Variants in STARD13 observed in about 807,000 individuals in gnomAD.
The protein encoded by STARD13 is StAR related lipid transfer domain containing 13.
Under a neutral mutation model 106.4 loss-of-function variants are expected in STARD13, and 62 were observed. The observed-to-expected ratio is 0.58, with a 90% CI of 0.48 to 0.72. STARD13 has a LOEUF of 0.72. STARD13 is among the 30% of genes least tolerant of loss of function. The probability of loss-of-function intolerance (pLI) is 0.00; values close to 1 mark genes in which losing one functional copy is unlikely to be tolerated. For synonymous variants in STARD13, 565 were observed against 553.0 expected, an observed-to-expected ratio of 1.02 and a Z score of -0.31; for missense variants, 1,387 against 1,424.0, an observed-to-expected ratio of 0.97 and a Z score of 0.42.
intron 8 of STARD13, chr13:33,113,314 C>T: frequency 2.7e-6 from 1 of 369,656 alleles, no homozygotes; most frequent in East Asian, 7.1e-5. Context: ...TGCCCATCCT[C>T]CCTGACAGAC....
At chr13:33,168,435 G>C (rs1218326896) in intron 1 of STARD13, among the ~76,000 whole-genome samples, 1 of 152,132 alleles carries the variant, frequency 6.6e-6, no homozygotes, top group Admixed American at 6.5e-5. Context: ...GGAGTCTACA[G>C]TATGTGAACC....
the STARD13 span, among the ~76,000 whole-genome samples, chr13:33,606,027 C>T: frequency 1.4e-3 from 214 of 152,170 alleles, 1 homozygote; most frequent in African/African-American, 4.7e-3. Flanking sequence ...AGGCCAAGCA[C>T]GGTGGGTCGT....
intron 1 of STARD13, among the ~76,000 whole-genome samples, chr13:33,308,521 T>TTTC (rs1566131117): frequency 2.3e-4 from 5 of 21,860 alleles, no homozygotes; most frequent in African/African-American, 3.6e-4. Flanking sequence ...TTTTTCTTTC[T>TTTC]TTTTTTTTTT....
chr13:33,468,298 T>C, the STARD13 span, among the ~76,000 whole-genome samples: 3 of 152,238 alleles, frequency 2.0e-5, no homozygotes, highest in Non-Finnish European at 4.4e-5. Flanking sequence ...ATTTTATCTT[T>C]AGCTTTTACC....
At chr13:33,271,966 C>T (rs141388686) in intron 1 of STARD13, among the ~76,000 whole-genome samples, 135 of 152,334 alleles carry the variant, frequency 8.9e-4, no homozygotes, top group Middle Eastern at 3.4e-3. Flanking sequence ...TTCCAACTCC[C>T]ACTCGCTGTG....
At chr13:33,580,536 A>G in the STARD13 span, among the ~76,000 whole-genome samples, 12 of 152,102 alleles carry the variant, frequency 7.9e-5, no homozygotes. Flanking sequence ...CTTAATATGA[A>G]CTATGGACTT....
chr13:33,501,763 C>A, the STARD13 span, among the ~76,000 whole-genome samples: 1 of 151,916 alleles, frequency 6.6e-6, no homozygotes, highest in South Asian at 2.1e-4. Flanking sequence ...TGGTACCATG[C>A]TGTTTTGGTT....
upstream of STARD13, among the ~76,000 whole-genome samples, chr13:33,286,216 C>T (rs988631766): frequency 1.3e-5 from 2 of 152,118 alleles, no homozygotes; most frequent in Non-Finnish European, 2.9e-5. Context: ...GAGCGTAAGC[C>T]ACCACCTTCA....
At chr13:33,253,697 G>A (rs922277422) in intron 1 of STARD13, among the ~76,000 whole-genome samples, 2 of 152,034 alleles carry the variant, frequency 1.3e-5, no homozygotes, top group Non-Finnish European at 2.9e-5. Context: ...CCGAGACCAC[G>A]GTGACCCCCT....
At chr13:33,586,638 A>C in the STARD13 span, among the ~76,000 whole-genome samples, 1 of 152,192 alleles carries the variant, frequency 6.6e-6, no homozygotes, top group African/African-American at 2.4e-5. Flanking sequence ...CCGGGTGTTA[A>C]ATAAGCACAA....
chr13:33,527,165 A>C, the STARD13 span, among the ~76,000 whole-genome samples: 2 of 152,116 alleles, frequency 1.3e-5, no homozygotes, highest in Non-Finnish European at 2.9e-5. Context: ...TAAGTGAACA[A>C]GAGTTTTCCA....
chr13:33,619,239 C>G, the STARD13 span, among the ~76,000 whole-genome samples: 5,187 of 152,188 alleles, frequency 0.034, 214 homozygotes, highest in East Asian at 0.17. Context: ...AGAACCAAAC[C>G]GAGCTTGACA....
chr13:33,567,909 T>A, the STARD13 span, among the ~76,000 whole-genome samples: 1 of 148,226 alleles, frequency 6.7e-6, no homozygotes, highest in African/African-American at 2.5e-5. Context: ...AGTCTGTATG[T>A]AAATGATTTG....
chr13:33,536,203 A>G, the STARD13 span, among the ~76,000 whole-genome samples: 1 of 152,228 alleles, frequency 6.6e-6, no homozygotes, highest in Non-Finnish European at 1.5e-5. Context: ...AGAAATGGCA[A>G]ATAAGACAAC....
At chr13:33,483,710 C>T in the STARD13 span, among the ~76,000 whole-genome samples, 1 of 152,032 alleles carries the variant, frequency 6.6e-6, no homozygotes, top group African/African-American at 2.4e-5. Context: ...TATAAACCCC[C>T]CAGTTTCAAT....
chr13:33,534,411 T>A, the STARD13 span, among the ~76,000 whole-genome samples: 3 of 152,198 alleles, frequency 2.0e-5, no homozygotes, highest in Admixed American at 6.5e-5. Context: ...GGAAAATAGT[T>A]GAAGAAGTAG....
chr13:33,393,887 A>G, the STARD13 span, among the ~76,000 whole-genome samples: 1 of 152,240 alleles, frequency 6.6e-6, no homozygotes, highest in Non-Finnish European at 1.5e-5. Context: ...ATTCAGGCAT[A>G]ACTTCTGTTT....
At chr13:33,666,454 C>T in the STARD13 span, among the ~76,000 whole-genome samples, 15 of 151,912 alleles carry the variant, frequency 9.9e-5, no homozygotes, top group Non-Finnish European at 1.9e-4. Context: ...CCACCATGCC[C>T]GGCTAATTTT....
downstream of STARD13, chr13:33,348,477 G>T (rs1181125080): frequency 6.6e-6 from 1 of 152,306 alleles, no homozygotes; most frequent in African/African-American, 2.4e-5. Context: ...TCGGTCTCAG[G>T]TTCTATAAAA....
Sources: allele counts gnomAD v4.1 joint callset (sites outside exome capture counted in the v4.1 genomes callset), GRCh38; gene constraint gnomAD v4.1.1; transcripts MANE v1.5; gene names NCBI Gene and HGNC (gene_info 2026-07-23, HGNC 2026-07-21).